The following CNTN4 variants were observed in gnomAD, a reference collection of about 807,000 sequenced individuals.
CNTN4 encodes the protein contactin 4, also known as contactin-4.
In CNTN4, 77 loss-of-function variants were observed where a neutral mutation model predicts 122.5. The ratio of observed to expected loss-of-function variants is 0.63; its 90% CI spans 0.52 to 0.76. The LOEUF (loss-of-function observed/expected upper bound fraction) is 0.76. CNTN4 is among the 30% of genes least tolerant of loss of function. The probability of loss-of-function intolerance (pLI) is 0.00; values close to 1 mark genes in which losing one functional copy is unlikely to be tolerated. For synonymous variants in CNTN4, 512 were observed against 447.0 expected (o/e 1.15, Z -1.83); for missense variants, 1,256 against 1,259.1 (o/e 1.00, Z 0.04).
intron 2 of CNTN4, among the ~76,000 whole-genome samples, chr3:2,173,583 T>G (rs2036607246): frequency 6.6e-6 from 1 of 152,088 alleles, no homozygotes; most frequent in South Asian, 2.1e-4. Context: ...TTCCTGAGAG[T>G]TGGATCAGTG....
intron 3 of CNTN4, among the ~76,000 whole-genome samples, chr3:2,395,743 C>T (rs1362404341): frequency 6.6e-6 from 1 of 152,122 alleles, no homozygotes; most frequent in Admixed American, 6.6e-5. Flanking sequence ...GAGTAATGGC[C>T]TCCAACTGTA....
At chr3:2,185,034 T>C (rs1388456446) in intron 2 of CNTN4, among the ~76,000 whole-genome samples, 1 of 152,172 alleles carries the variant, frequency 6.6e-6, no homozygotes, top group African/African-American at 2.4e-5. Context: ...TGGGCCTGGA[T>C]TCCTCATTGT....
In CNTN4 at chr3:2,692,854, G is replaced by C. The variant is rs113209320; in HGVS notation, c.56-43361G>C. On this transcript the variant is annotated intron_variant, in intron 4 of 24. Transcript: ENST00000418658. ...AGCATTTCTTTACCATAAGGTTAGA[G>C]TAACTTTTTAAAAATATGGTAGCCT... Among the ~76,000 whole-genome samples, 223 of 152,090 alleles carry C rather than the reference G, an allele frequency of 1.5e-3. 3 individuals carry two copies. The highest frequency in any genetic ancestry group is 5.1e-3 in the African/African-American group (212 of 41,506).
chr3:2,806,912 T>G (rs1228208992), intron 6 of CNTN4, among the ~76,000 whole-genome samples: 1 of 152,078 alleles, frequency 6.6e-6, no homozygotes, highest in African/African-American at 2.4e-5. Flanking sequence ...CTTCTTCTTT[T>G]CAAATTTTCA....
chr3:2,227,746 C>T (rs935336396), intron 2 of CNTN4, among the ~76,000 whole-genome samples: 7 of 152,078 alleles, frequency 4.6e-5, no homozygotes, highest in Admixed American at 2.0e-4. Context: ...GCACCTCTTC[C>T]TGGCAGATGC....
At chr3:2,855,484 T>C (rs1351462955) in intron 7 of CNTN4, among the ~76,000 whole-genome samples, 1 of 152,232 alleles carries the variant, frequency 6.6e-6, no homozygotes, top group Non-Finnish European at 1.5e-5. Flanking sequence ...AAAAGTGTTT[T>C]GAAAATGTAA....
chr3:2,878,265 T>C (rs1228324388), intron 8 of CNTN4, among the ~76,000 whole-genome samples: 1 of 152,218 alleles, frequency 6.6e-6, no homozygotes, highest in Non-Finnish European at 1.5e-5. Context: ...ATACAGATCA[T>C]TTTAGTAAAG....
At position 2,487,741 on chromosome 3, in the gene CNTN4, T is replaced by C. The variant is rs2076203453; in HGVS notation, c.-88-83675T>C. ...CTTTCTTCTTATACCTTTGTAATTT[T>C]TGAAATACATGAGAAACTGTCGTTT... On this transcript the variant is annotated intron_variant, in intron 3 of 24. Transcript: ENST00000418658. Among the ~76,000 whole-genome samples, 3 of 152,230 alleles carry C rather than the reference T, an allele frequency of 2.0e-5. No homozygotes were observed. The South Asian group carries it at 6.2e-4, about 31-fold the overall frequency.
At chr3:2,967,881 G>A (rs1692493283) in intron 13 of CNTN4, among the ~76,000 whole-genome samples, 1 of 146,748 alleles carries the variant, frequency 6.8e-6, no homozygotes, top group African/African-American at 2.5e-5. Context: ...CAATGATTTT[G>A]GTTGAGATTT....
intron 13 of CNTN4, among the ~76,000 whole-genome samples, chr3:2,944,091 T>C (rs2094647355): frequency 6.6e-6 from 1 of 151,752 alleles, no homozygotes; most frequent in South Asian, 2.1e-4. Context: ...AACCTTTACC[T>C]GTATCACTCA....
Position 2,527,764 on chromosome 3 carries a change from G to C in CNTN4, c.-88-43652G>C, listed in dbSNP as rs184894061. Among the ~76,000 whole-genome samples the C allele has an allele frequency of 1.9e-3, 294 of 152,118 alleles. 1 individual carries two copies. Among genetic ancestry groups the C allele is most frequent in the African/African-American group, 6.6e-3 (276 of 41,504 alleles). On this transcript the variant is annotated intron_variant, in intron 3 of 24. Transcript: ENST00000418658. Reference sequence around the variant, plus strand: ...GTCTTCTGAGAGCTAGTTGCCCCTAGATGTCTTTCAGCCTTGCTCTTCAAC... The same window carrying C: ...GTCTTCTGAGAGCTAGTTGCCCCTACATGTCTTTCAGCCTTGCTCTTCAAC...
intron 2 of CNTN4, among the ~76,000 whole-genome samples, chr3:2,300,557 C>A (rs1281687259): frequency 7.2e-6 from 1 of 138,216 alleles, no homozygotes; most frequent in South Asian, 2.4e-4. Flanking sequence ...ACACAGTGAC[C>A]GTCTTTTTTT....
chr3:2,516,799 G>T (rs2077051271), intron 3 of CNTN4, among the ~76,000 whole-genome samples: 5 of 152,108 alleles, frequency 3.3e-5, no homozygotes, highest in Admixed American at 3.3e-4. Flanking sequence ...CTGAAGATAT[G>T]GCAGAATTTA....
In CNTN4 at chr3:2,570,227, G is replaced by A. The variant is rs144444913; in HGVS notation, c.-88-1189G>A. ...CTCCCTCTGTTGCCCAGGCTGGAAT[G>A]CAGTGGAGTGATTATGGCTCACTGC... On this transcript the variant is annotated intron_variant, in intron 3 of 24. Transcript: ENST00000418658. 4.6e-3 allele frequency among the ~76,000 whole-genome samples: 698 copies of A among 151,698 alleles called. 2 individuals carry two copies. Among genetic ancestry groups the A allele is most frequent in the Middle Eastern group, 0.014 (4 of 292 alleles).
intron 3 of CNTN4, among the ~76,000 whole-genome samples, chr3:2,409,206 C>CT (rs1414584668): frequency 6.8e-6 from 1 of 147,070 alleles, no homozygotes; most frequent in African/African-American, 2.5e-5. Context: ...ACGTTTGTTA[C>CT]TTTTTTTAAA....
intron 13 of CNTN4, among the ~76,000 whole-genome samples, chr3:2,943,604 A>T (rs1364065147): frequency 1.4e-5 from 2 of 139,282 alleles, no homozygotes; most frequent in Non-Finnish European, 3.1e-5. Context: ...ATAAATATAT[A>T]AATATATTTA....
chr3:2,615,128 G>C (rs2081657575), intron 4 of CNTN4, among the ~76,000 whole-genome samples: 1 of 152,064 alleles, frequency 6.6e-6, no homozygotes, highest in East Asian at 1.9e-4. Flanking sequence ...TCACTGTTTT[G>C]GGTTAGCAAT....
At chr3:2,760,061 T>C (rs12152402) in intron 6 of CNTN4, among the ~76,000 whole-genome samples, 71,711 of 152,022 alleles carry the variant, frequency 0.47, 19,467 homozygotes, top group Non-Finnish European at 0.64. Context: ...AATATTTCTT[T>C]GTATATTCCT....
At chr3:2,533,684 A>T (rs1419044994) in intron 3 of CNTN4, among the ~76,000 whole-genome samples, 1 of 152,164 alleles carries the variant, frequency 6.6e-6, no homozygotes, top group African/African-American at 2.4e-5. Context: ...TGGTATTTCT[A>T]GTTCTAGATC....
Sources: gnomAD v4.1 joint callset for allele counts (sites outside exome capture counted in the v4.1 genomes callset) on GRCh38, gnomAD v4.1.1 for gene constraint, MANE v1.5 for transcripts, NCBI Gene and HGNC (gene_info 2026-07-23, HGNC 2026-07-21) for gene names.